The following UVSSA variants were observed in gnomAD, a reference collection of about 807,000 sequenced individuals.
UVSSA encodes UV-stimulated scaffold protein A.
In UVSSA, 72 loss-of-function variants were observed where a neutral mutation model predicts 73.9. The ratio of observed to expected loss-of-function variants is 0.97; its 90% CI spans 0.81 to 1.19. The LOEUF (loss-of-function observed/expected upper bound fraction) is 1.19, where lower values mean the gene tolerates loss of function less well. UVSSA is among the 50% of genes most tolerant of loss of function. The probability of loss-of-function intolerance (pLI) is 0.00; values close to 1 mark genes in which losing one functional copy is unlikely to be tolerated. For missense variants in UVSSA, 1,150 were observed against 965.0 expected, an observed-to-expected ratio of 1.19 and a Z score of -2.54; for synonymous variants, 454 against 391.3, an observed-to-expected ratio of 1.16 and a Z score of -1.89.
chr4:1,354,240 T>C (rs568666136), intron 5 of UVSSA, among the ~76,000 whole-genome samples: 1 of 152,150 alleles, frequency 6.6e-6, no homozygotes, highest in African/African-American at 2.4e-5. Context: ...CTCGCCTGTA[T>C]AGAGCTCTGC....
chr4:1,368,362 G>A (rs1717601359), intron 8 of UVSSA, among the ~76,000 whole-genome samples: 1 of 152,246 alleles, frequency 6.6e-6, no homozygotes, highest in African/African-American at 2.4e-5. Flanking sequence ...CCTGACTTGT[G>A]GCTCTAAATT....
At chr4:1,384,696 A>T (rs1374857891) in intron 13 of UVSSA, 1 of 152,320 alleles carries the variant, frequency 6.6e-6, no homozygotes. Flanking sequence ...GTCTGGTAGC[A>T]CCAGTGAGGT....
chr4:1,381,534 C>T (rs1719501610), intron 12 of UVSSA, among the ~76,000 whole-genome samples: 1 of 152,336 alleles, frequency 6.6e-6, no homozygotes, highest in African/African-American at 2.4e-5. Context: ...CAGGGCCCAT[C>T]TGCCCACCCT....
chr4:1,391,985 T>C (rs766151864), downstream of UVSSA: 1 of 152,276 alleles, frequency 6.6e-6, no homozygotes, highest in Non-Finnish European at 1.5e-5. Context: ...TTTACTATAT[T>C]GTCTTTTTTG....
intron 7 of UVSSA, among the ~76,000 whole-genome samples, chr4:1,362,785 C>T (rs758022824): frequency 3.3e-5 from 5 of 152,314 alleles, no homozygotes; most frequent in African/African-American, 1.2e-4. Context: ...GGGCTTCGTG[C>T]GGGGCCTCAC....
chr4:1,375,419 G>A lies in UVSSA; in HGVS notation c.1344G>A (p.Thr448=), dbSNP rs750959163. 11 of 1,613,364 alleles carry A rather than the reference G, an allele frequency of 6.8e-6. No homozygotes were observed. The highest frequency in any genetic ancestry group is 4.5e-5 in the East Asian group (2 of 44,886). Residue 448 remains threonine, a synonymous_variant, in exon 9 of 14, where the codon ACG becomes ACA. Coordinates refer to ENST00000389851, the MANE Select transcript of UVSSA (RefSeq NM_020894.4). ...DTVVRCLRTR[T]RMDEEVSDPT... ...TTGTGCGGTGCTTGCGGACGAGGACGAGGATGGACGAGGAGGTGTCGGACC... is the reference window on the plus strand; with the variant it reads ...TTGTGCGGTGCTTGCGGACGAGGACAAGGATGGACGAGGAGGTGTCGGACC...
chr4:1,345,985 T>C (rs1197926557), upstream of UVSSA, among the ~76,000 whole-genome samples: 2 of 152,068 alleles, frequency 1.3e-5, no homozygotes, highest in Middle Eastern at 3.4e-3. Context: ...AGGGAGGGTC[T>C]GGCTGCAGCT....
chr4:1,388,639 C>T (rs1169858090), downstream of UVSSA: 8 of 152,042 alleles, frequency 5.3e-5, no homozygotes, highest in African/African-American at 1.7e-4. Context: ...TTACCTTCTC[C>T]TCCTAGTTTG....
chr4:1,345,522 G>A (rs182539383), upstream of UVSSA, among the ~76,000 whole-genome samples: 2,210 of 152,058 alleles, frequency 0.015, 63 homozygotes, highest in African/African-American at 0.051. Context: ...GCGGGTGACT[G>A]TCATCCCAGC....
At chr4:1,369,533 TC>T (rs1365341969) in intron 8 of UVSSA, among the ~76,000 whole-genome samples, 1 of 152,288 alleles carries the variant, frequency 6.6e-6, no homozygotes, top group East Asian at 1.9e-4. Flanking sequence ...GTGCTCTTTT[TC>T]TTTCTCATTT....
Position 1,355,207 on chromosome 4 carries a change from G to A in UVSSA, c.1138G>A (p.Glu380Lys), listed in dbSNP as rs1560436335. Residue 380 changes from glutamate (E) to lysine (K), a missense_variant, in exon 7 of 14, where the codon GAG becomes AAG. Glu to Lys is a moderately conservative substitution (Grantham distance 56). Coordinates refer to ENST00000389851, the MANE Select transcript of UVSSA (RefSeq NM_020894.4). ...GGAGCTCGTACTGAGAAAATACAAG[G>A]AGCTGGACATCGAGCCTGAGGGAGG... is the stretch of plus-strand genomic sequence containing the variant. Reference protein sequence around the residue: ...ELELVLRKYKELDIEPEGGER... With the variant: ...ELELVLRKYKKLDIEPEGGER... 7 of 1,613,412 alleles carry A rather than the reference G, an allele frequency of 4.3e-6. No homozygotes were observed. Among genetic ancestry groups the A allele is most frequent in the Admixed American group, 1.7e-5 (1 of 59,944 alleles).
upstream of UVSSA, among the ~76,000 whole-genome samples, chr4:1,342,800 T>C (rs1023174111): frequency 6.6e-6 from 1 of 152,224 alleles, no homozygotes; most frequent in African/African-American, 2.4e-5. Context: ...CTGTGTTAAG[T>C]TGGGGTTTAT....
rs922776244 is a variant in UVSSA at position 1,355,231 on chromosome 4, G to C, written c.1162G>C (p.Gly388Arg). 1.9e-6 allele frequency: 3 copies of C among 1,612,166 alleles called. No homozygotes were observed. The change falls in exon 7 of 14, where the codon GGG becomes CGG. Residue 388 changes from glycine to arginine, a missense_variant. Physicochemically the swap from Gly to Arg is moderately radical, Grantham distance 125. Coordinates refer to ENST00000389851, the MANE Select transcript of UVSSA (RefSeq NM_020894.4). ...GGAGCTGGACATCGAGCCTGAGGGA[G>C]GGGAAAGGCGCAGGGTGAGTGGGCA... ...YKELDIEPEG[G>R]ERRRTEALGD...
rs184543158 is a variant in UVSSA at position 1,351,883 on chromosome 4, C to G, written c.550+48C>G. 3 of 1,600,922 alleles carry G rather than the reference C, an allele frequency of 1.9e-6. No individual in the cohort carries two copies. The Admixed American group carries it at 5.1e-5, about 27-fold the overall frequency. ...GGGGCCCACGCCTCTGAGGGTTGCC[C>G]GTGGTCCAGCAGTTCATCCTCCTGG... On this transcript the variant is annotated intron_variant, in intron 4 of 13. Transcript: ENST00000389851.
exon 14 of UVSSA, chr4:1,394,567 C>T (rs551529188): frequency 2.0e-6 from 3 of 1,513,562 alleles, no homozygotes; most frequent in African/African-American, 1.4e-5. Context: ...CACACGTGCC[C>T]ATGTGGAGTG....
At chr4:1,360,843 G>T (rs983543802) in intron 7 of UVSSA, among the ~76,000 whole-genome samples, 3 of 152,214 alleles carry the variant, frequency 2.0e-5, no homozygotes, top group African/African-American at 4.8e-5. Flanking sequence ...CACTGAAGGG[G>T]GCGTTTACAT....
At position 1,370,184 on chromosome 4, in the gene UVSSA, T is replaced by A. The variant is rs1044723876; in HGVS notation, c.1288+3753T>A. Among the ~76,000 whole-genome samples, 12 of 152,326 alleles carry A rather than the reference T, an allele frequency of 7.9e-5. 2 individuals carry two copies. The highest frequency in any genetic ancestry group is 3.9e-4 in the East Asian group (2 of 5,190). On this transcript the variant is annotated intron_variant, in intron 8 of 13. Transcript: ENST00000389851. The stretch of plus-strand genomic sequence containing the variant: ...TAACTCTTAGGAATTCTCAGATTGA[T>A]CTTTTGGCTGCGATTGTATCTAAAT...
At chr4:1,351,669 G>A (rs537139367) in intron 3 of UVSSA, 46 bp from the exon 4 acceptor site, 8 of 1,599,146 alleles carry the variant, frequency 5.0e-6, no homozygotes, top group East Asian at 2.3e-5. Context: ...GATTACAGGC[G>A]TGAGCCACCG....
chr4:1,383,984 G>A (rs748831136), intron 13 of UVSSA, 44 bp downstream of exon 13: 20 of 1,562,492 alleles, frequency 1.3e-5, no homozygotes, highest in African/African-American at 5.4e-5. Context: ...TGGCCCCCCC[G>A]TGTGAGGGTG....
Sources: allele counts gnomAD v4.1 joint callset (sites outside exome capture counted in the v4.1 genomes callset), GRCh38; gene constraint gnomAD v4.1.1; transcripts MANE v1.5; gene names NCBI Gene and HGNC (gene_info 2026-07-23, HGNC 2026-07-21).